The following ANTXR1 variants were observed in gnomAD, a reference collection of about 807,000 sequenced individuals.
ANTXR1 encodes ANTXR cell adhesion molecule 1.
A neutral mutation model predicts 78.1 loss-of-function variants in ANTXR1; 19 were observed. The ratio of observed to expected loss-of-function variants is 0.24; its 90% CI spans 0.17 to 0.36. The LOEUF (loss-of-function observed/expected upper bound fraction) is 0.36, where lower values mean the gene tolerates loss of function less well. ANTXR1 is among the 10% of genes least tolerant of loss of function. The pLI is 1.00. For missense variants in ANTXR1, 518 were observed against 718.6 expected (o/e 0.72, Z 3.19); for synonymous variants, 273 against 260.5 (o/e 1.05, Z -0.46).
At chr2:69,198,755 C>T (rs79781710) in intron 17 of ANTXR1, among the ~76,000 whole-genome samples, 7,057 of 152,240 alleles carry the variant, frequency 0.046, 425 homozygotes, top group African/African-American at 0.13. Context: ...TCCACCCCCT[C>T]GGTCTGTTTT....
chr2:69,222,838 G>C (rs536359262), intron 17 of ANTXR1, among the ~76,000 whole-genome samples: 2 of 152,208 alleles, frequency 1.3e-5, no homozygotes, highest in African/African-American at 4.8e-5. Context: ...AACCACTTTC[G>C]CATGGCCCAG....
chr2:69,077,217 T>C (rs1670759717), intron 7 of ANTXR1, 191 bp from the exon 8 acceptor site: 2 of 631,626 alleles, frequency 3.2e-6, no homozygotes, highest in Admixed American at 2.6e-5. Flanking sequence ...CTTGGCCTGC[T>C]CCAGAGAGGC....
At chr2:69,166,448 C>T (rs1673830272) in intron 13 of ANTXR1, among the ~76,000 whole-genome samples, 1 of 152,096 alleles carries the variant, frequency 6.6e-6, no homozygotes, top group African/African-American at 2.4e-5. Flanking sequence ...CCTCACCAGC[C>T]CATCTCTTAG....
chr2:69,076,085 A>G (rs970727415), intron 7 of ANTXR1, among the ~76,000 whole-genome samples: 1 of 152,140 alleles, frequency 6.6e-6, no homozygotes, highest in Non-Finnish European at 1.5e-5. Flanking sequence ...AGCTTGGTAT[A>G]CAGGTGCACA....
Position 69,206,832 on chromosome 2 carries a change from G to A in ANTXR1, c.1434+13417G>A, listed in dbSNP as rs558053797. 2.6e-5 allele frequency among the ~76,000 whole-genome samples: 4 copies of A among 152,300 alleles called. No individual in the cohort carries two copies. The South Asian group carries it at 8.3e-4, about 32-fold the overall frequency. On this transcript the variant is annotated intron_variant, in intron 17 of 17. Coordinates refer to ENST00000303714, the MANE Select transcript of ANTXR1 (RefSeq NM_032208.3). ...GTGTTCTGCAGTAGATCCACTGCTG[G>A]TGGGCCTCAAGTTGCAAATATATTT...
At chr2:69,125,810 C>T (rs1194627251) in intron 12 of ANTXR1, among the ~76,000 whole-genome samples, 1 of 151,770 alleles carries the variant, frequency 6.6e-6, no homozygotes, top group Non-Finnish European at 1.5e-5. Flanking sequence ...CACTGCACTC[C>T]GGCCTGGGTG....
chr2:69,163,555 T>C (rs1016624850), intron 13 of ANTXR1, among the ~76,000 whole-genome samples: 2 of 152,220 alleles, frequency 1.3e-5, no homozygotes, highest in Non-Finnish European at 2.9e-5. Flanking sequence ...TCTTCTCTTA[T>C]ATCTTTACAA....
chr2:69,123,833 T>C (rs1399406714), intron 11 of ANTXR1, among the ~76,000 whole-genome samples: 2 of 152,026 alleles, frequency 1.3e-5, no homozygotes, highest in African/African-American at 2.4e-5. Context: ...AAATAACCTC[T>C]CCAAAACCGT....
At chr2:69,136,167 T>C (rs1422281318) in intron 12 of ANTXR1, among the ~76,000 whole-genome samples, 1 of 152,200 alleles carries the variant, frequency 6.6e-6, no homozygotes, top group Non-Finnish European at 1.5e-5. Context: ...TCTGTCAGTC[T>C]GTACTGTACC....
At chr2:69,131,406 C>G (rs192000022) in intron 12 of ANTXR1, among the ~76,000 whole-genome samples, 4 of 152,314 alleles carry the variant, frequency 2.6e-5, no homozygotes, top group Non-Finnish European at 1.5e-5. Flanking sequence ...CTCTTAACAT[C>G]CGGGTTATTT....
intron 13 of ANTXR1, among the ~76,000 whole-genome samples, chr2:69,159,510 T>C (rs1673621042): frequency 6.6e-6 from 1 of 151,976 alleles, no homozygotes; most frequent in Admixed American, 6.5e-5. Context: ...ATAAGTTTTA[T>C]ATTAAGTTCT....
chr2:69,102,691 A>G (rs1671664254), intron 9 of ANTXR1, 151 bp from the exon 10 acceptor site: 2 of 805,946 alleles, frequency 2.5e-6, no homozygotes, highest in Admixed American at 3.5e-5. Flanking sequence ...AGTGAAAGGA[A>G]CCCACCTGGT....
chr2:69,163,719 A>G (rs780669027), intron 13 of ANTXR1, among the ~76,000 whole-genome samples: 14 of 152,196 alleles, frequency 9.2e-5, no homozygotes, highest in Non-Finnish European at 2.1e-4. Context: ...GGACTTGCAC[A>G]AGGACACACC....
At chr2:69,073,999 A>G (rs1041319869) in intron 6 of ANTXR1, among the ~76,000 whole-genome samples, 5 of 152,206 alleles carry the variant, frequency 3.3e-5, no homozygotes, top group East Asian at 1.9e-4. Context: ...CACAAAATAT[A>G]TATTCATTCA....
At position 69,050,618 on chromosome 2, in the gene ANTXR1, C is replaced by T. The variant is rs141703474; in HGVS notation, c.296+5805C>T. 4.7e-3 allele frequency among the ~76,000 whole-genome samples: 713 copies of T among 152,224 alleles called. 5 individuals are homozygous for T. Among genetic ancestry groups the T allele is most frequent in the Non-Finnish European group, 8.2e-3 (558 of 68,022 alleles). On this transcript the variant is annotated intron_variant, in intron 3 of 17. Coordinates refer to ENST00000303714, the MANE Select transcript of ANTXR1 (RefSeq NM_032208.3). Reference sequence around the variant, plus strand: ...TTGATATAACTCAGAGGAAAACTATCAAAGCCTAAATTATTATTGAAGAAG... The same window carrying T: ...TTGATATAACTCAGAGGAAAACTATTAAAGCCTAAATTATTATTGAAGAAG...
intron 12 of ANTXR1, among the ~76,000 whole-genome samples, chr2:69,133,128 G>C (rs1336450793): frequency 6.6e-6 from 1 of 152,154 alleles, no homozygotes; most frequent in African/African-American, 2.4e-5. Flanking sequence ...AGCGAAGCTG[G>C]ACAGATTATT....
At chr2:69,107,524 G>A (rs1671849406) in intron 10 of ANTXR1, among the ~76,000 whole-genome samples, 1 of 152,058 alleles carries the variant, frequency 6.6e-6, no homozygotes, top group Non-Finnish European at 1.5e-5. Context: ...ACAGGTGTGG[G>A]CCGCCACACC....
intron 13 of ANTXR1, among the ~76,000 whole-genome samples, chr2:69,169,609 C>T (rs1673922782): frequency 6.6e-6 from 1 of 152,232 alleles, no homozygotes; most frequent in Admixed American, 6.5e-5. Flanking sequence ...CTCTTCAGCC[C>T]CAAAGATGGG....
chr2:69,206,582 TG>T (rs1164432704), intron 17 of ANTXR1, among the ~76,000 whole-genome samples: 1 of 152,194 alleles, frequency 6.6e-6, no homozygotes, highest in Non-Finnish European at 1.5e-5. Context: ...GAGTGTGTAG[TG>T]GGAGCAAGCT....
Sources: gnomAD v4.1 joint callset for allele counts (sites outside exome capture counted in the v4.1 genomes callset) on GRCh38, gnomAD v4.1.1 for gene constraint, MANE v1.5 for transcripts, NCBI Gene and HGNC (gene_info 2026-07-23, HGNC 2026-07-21) for gene names.